The following CFAP20DC variants were observed in gnomAD, a reference collection of about 807,000 sequenced individuals.
CFAP20DC encodes the protein protein CFAP20DC.
CFAP20DC carries 84 observed loss-of-function variants against 101.7 expected under a neutral mutation model. That is an observed-to-expected ratio of 0.83 (90% CI 0.69 to 0.99). The LOEUF is 0.99. Among genes scored for constraint, CFAP20DC ranks in the 50% least tolerant of loss-of-function variants. The probability of loss-of-function intolerance (pLI) is 0.00; values close to 1 mark genes in which losing one functional copy is unlikely to be tolerated. For missense variants in CFAP20DC, 1,007 were observed against 970.3 expected, an observed-to-expected ratio of 1.04 and a Z score of -0.50; for synonymous variants, 359 against 351.2, an observed-to-expected ratio of 1.02 and a Z score of -0.25.
intron 14 of CFAP20DC, among the ~76,000 whole-genome samples, chr3:58,810,906 A>G (rs1465545831): frequency 6.6e-6 from 1 of 151,882 alleles, no homozygotes; most frequent in African/African-American, 2.4e-5. Flanking sequence ...CTTATACACC[A>G]ATAACAGGCA....
At chr3:58,905,979 T>C (rs1187520879) in intron 6 of CFAP20DC, among the ~76,000 whole-genome samples, 1 of 152,104 alleles carries the variant, frequency 6.6e-6, no homozygotes, top group Non-Finnish European at 1.5e-5. Flanking sequence ...GAATATAAGC[T>C]CTGGAACCCT....
chr3:58,834,817 T>C (rs886151653), intron 13 of CFAP20DC, among the ~76,000 whole-genome samples: 2 of 152,202 alleles, frequency 1.3e-5, no homozygotes, highest in Non-Finnish European at 2.9e-5. Context: ...TGGAAAATTT[T>C]TGAATGTGTA....
At chr3:58,789,830 A>G (rs1165169245) in intron 15 of CFAP20DC, among the ~76,000 whole-genome samples, 1 of 152,148 alleles carries the variant, frequency 6.6e-6, no homozygotes, top group South Asian at 2.1e-4. Context: ...GGAAGGAAAT[A>G]ATTTACTCAA....
At chr3:58,999,984 C>A (rs1283910751) in intron 4 of CFAP20DC, among the ~76,000 whole-genome samples, 1 of 151,898 alleles carries the variant, frequency 6.6e-6, no homozygotes, top group Non-Finnish European at 1.5e-5. Flanking sequence ...TGAAGGCCAT[C>A]ACAACCATAT....
intron 5 of CFAP20DC, among the ~76,000 whole-genome samples, chr3:58,918,994 T>TA (rs1362906354): frequency 6.6e-6 from 1 of 152,178 alleles, no homozygotes; most frequent in Admixed American, 6.5e-5. Flanking sequence ...ATGTTAAGGA[T>TA]AGAATTCAAT....
intron 6 of CFAP20DC, among the ~76,000 whole-genome samples, chr3:58,901,490 G>A (rs2083142173): frequency 6.6e-6 from 1 of 152,086 alleles, no homozygotes; most frequent in Non-Finnish European, 1.5e-5. Context: ...ACCTCAAAGG[G>A]CTATTGTGAT....
intron 13 of CFAP20DC, among the ~76,000 whole-genome samples, chr3:58,835,415 C>G (rs537702562): frequency 6.6e-6 from 1 of 152,266 alleles, no homozygotes; most frequent in African/African-American, 2.4e-5. Flanking sequence ...CCACCACTGG[C>G]AGGCAGTATT....
At chr3:58,789,091 T>C (rs780525446) in intron 15 of CFAP20DC, among the ~76,000 whole-genome samples, 3 of 152,182 alleles carry the variant, frequency 2.0e-5, no homozygotes, top group East Asian at 3.9e-4. Context: ...TTAGTAGTTA[T>C]TATTGTTTAA....
At chr3:58,792,572 C>T in intron 15 of CFAP20DC, among the ~76,000 whole-genome samples, 1 of 151,920 alleles carries the variant, frequency 6.6e-6, no homozygotes, top group East Asian at 1.9e-4. Context: ...AAATATAAAC[C>T]TCTTAAAAAC....
At chr3:58,967,291 C>T (rs116584870) in intron 4 of CFAP20DC, among the ~76,000 whole-genome samples, 1,552 of 152,254 alleles carry the variant, frequency 0.01, 27 homozygotes, top group African/African-American at 0.035. Flanking sequence ...TACAGTGCTA[C>T]TGAAACAACT....
At position 58,933,033 on chromosome 3, in the gene CFAP20DC, C is replaced by T. The variant is rs571414077; in HGVS notation, c.393+4615G>A. On this transcript the variant is annotated intron_variant, in intron 5 of 16. Transcript: ENST00000482387. ...TGCTATATTCAGGAAACCCATCTCACGTGCAGAGACACACATAGGCTCAAA... is the reference window on the plus strand; with the variant it reads ...TGCTATATTCAGGAAACCCATCTCATGTGCAGAGACACACATAGGCTCAAA... 2.2e-3 allele frequency among the ~76,000 whole-genome samples: 329 copies of T among 152,206 alleles called. 2 individuals are homozygous for T. The highest frequency in any genetic ancestry group is 7.2e-3 in the African/African-American group (301 of 41,518).
intron 5 of CFAP20DC, among the ~76,000 whole-genome samples, chr3:58,933,049 T>C (rs1047503518): frequency 2.0e-5 from 3 of 152,012 alleles, no homozygotes; most frequent in South Asian, 4.2e-4. Flanking sequence ...GAGACACACA[T>C]AGGCTCAAAA....
At chr3:58,989,621 A>G (rs979902467) in intron 4 of CFAP20DC, among the ~76,000 whole-genome samples, 1 of 152,196 alleles carries the variant, frequency 6.6e-6, no homozygotes, top group African/African-American at 2.4e-5. Context: ...TGAATAAAAA[A>G]GTAAAGTTTG....
intron 4 of CFAP20DC, among the ~76,000 whole-genome samples, chr3:59,023,598 C>A (rs774570935): frequency 6.6e-6 from 1 of 151,996 alleles, no homozygotes; most frequent in Non-Finnish European, 1.5e-5. Flanking sequence ...TGCCTGAGAT[C>A]AGAACCAGAA....
At chr3:58,870,938 G>C (rs375129493) in intron 7 of CFAP20DC, among the ~76,000 whole-genome samples, 1,515 of 107,608 alleles carry the variant, frequency 0.014, 30 homozygotes, top group African/African-American at 0.046. Flanking sequence ...AAAAGGAAAA[G>C]CTACTAAAAA....
At chr3:58,725,354 T>C (rs1313443394) in intron 3 of CFAP20DC, among the ~76,000 whole-genome samples, 7 of 152,130 alleles carry the variant, frequency 4.6e-5, no homozygotes, top group Non-Finnish European at 5.9e-5. Context: ...CTTTGGACTG[T>C]TTCTGGGTTG....
intron 15 of CFAP20DC, among the ~76,000 whole-genome samples, chr3:58,798,536 G>A (rs986149438): frequency 6.6e-6 from 1 of 152,230 alleles, no homozygotes; most frequent in South Asian, 2.1e-4. Flanking sequence ...AACACTAGTT[G>A]TAATGACAAC....
chr3:58,917,486 T>C (rs1243238696), intron 5 of CFAP20DC, among the ~76,000 whole-genome samples: 1 of 152,178 alleles, frequency 6.6e-6, no homozygotes, highest in Non-Finnish European at 1.5e-5. Context: ...CAAAAGGAAA[T>C]GACAAACAAG....
At chr3:58,957,768 T>A (rs189673931) in intron 4 of CFAP20DC, among the ~76,000 whole-genome samples, 1 of 152,296 alleles carries the variant, frequency 6.6e-6, no homozygotes, top group Non-Finnish European at 1.5e-5. Context: ...ACATTGAATG[T>A]TCTGACCTAT....
Sources: gnomAD v4.1 joint callset for allele counts (sites outside exome capture counted in the v4.1 genomes callset) on GRCh38, gnomAD v4.1.1 for gene constraint, MANE v1.5 for transcripts, NCBI Gene and HGNC (gene_info 2026-07-23, HGNC 2026-07-21) for gene names.